Variants in YLPM1 observed in about 807,000 individuals in gnomAD.
The protein encoded by YLPM1 is YLP motif containing 1, also known as YLP motif-containing protein 1.
In YLPM1, 99 loss-of-function variants were observed where a neutral mutation model predicts 230.0. The observed-to-expected ratio is 0.43, with a 90% confidence interval of 0.37 to 0.51. The LOEUF (loss-of-function observed/expected upper bound fraction) is 0.51, where lower values mean the gene tolerates loss of function less well. Ranked by LOEUF, YLPM1 falls within the 20% of genes least tolerant of loss-of-function variation. YLPM1 has a pLI of 0.00. For missense variants in YLPM1, 2,592 were observed against 2,707.7 expected (o/e 0.96, Z 0.95); for synonymous variants, 984 against 942.5 (o/e 1.04, Z -0.81).
At chr14:74,789,719 C>G (rs2140099216) in intron 4 of YLPM1, among the ~76,000 whole-genome samples, 1 of 151,514 alleles carries the variant, frequency 6.6e-6, no homozygotes, top group South Asian at 2.1e-4. Context: ...CTTTGACCTC[C>G]TGGGCTCAAG....
At chr14:74,820,654 A>C (rs2091514055) in intron 16 of YLPM1, among the ~76,000 whole-genome samples, 1 of 151,822 alleles carries the variant, frequency 6.6e-6, no homozygotes. Context: ...CGTTGCTACC[A>C]CTCTGGGCCA....
chr14:74,819,830 A>G (rs144721091), intron 16 of YLPM1, among the ~76,000 whole-genome samples: 193 of 152,122 alleles, frequency 1.3e-3, no homozygotes, highest in African/African-American at 4.6e-3. Context: ...TTTTTTGGCT[A>G]TCTCTTTTCA....
In YLPM1 at chr14:74,835,782, G is replaced by A. The variant is rs1420535034; in HGVS notation, c.*44G>A. ...CTTTTCTTTTCTTTCCAGGTGGTTCGCTTTGAGGTGGTCTGAAGCCAAGGC... is the reference window on the plus strand; with the variant it reads ...CTTTTCTTTTCTTTCCAGGTGGTTCACTTTGAGGTGGTCTGAAGCCAAGGC... On this transcript the variant is annotated 3_prime_UTR_variant, in exon 21 of 21. Coordinates refer to ENST00000325680, the MANE Select transcript of YLPM1 (RefSeq NM_019589.3). The A allele has an allele frequency of 1.1e-5, 5 of 452,084 alleles. No homozygotes were observed. Among genetic ancestry groups the A allele is most frequent in the South Asian group, 6.3e-5 (4 of 63,432 alleles). The allele number at this position is 452,084 out of a possible 1,614,324, so 28.0% of individuals were successfully genotyped here. A position where few individuals can be genotyped will look rare whatever the true frequency, so the allele number is the denominator to read the frequency against.
Position 74,785,751 on chromosome 14 carries a change from A to C in YLPM1, c.2282+3426A>C, listed in dbSNP as rs2091142826. 2.6e-5 allele frequency among the ~76,000 whole-genome samples: 4 copies of C among 152,376 alleles called. 1 individual carries two copies. The highest frequency in any genetic ancestry group is 9.6e-5 in the African/African-American group (4 of 41,594). ...CATGCTGTTACAAATAAAGTACTGT[A>C]AATGGCTTTGAGTTTTTGCAAAATC... On this transcript the variant is annotated intron_variant, in intron 4 of 20. Transcript: ENST00000325680.
Position 74,763,960 on chromosome 14 carries a change from T to TATGCCCCCATCTCAGTCTTAC in YLPM1, c.481_501dup (p.Ser161_Pro167dup). 1 of 1,258,510 alleles carries TATGCCCCCATCTCAGTCTTAC rather than the reference T, an allele frequency of 7.9e-7. No homozygotes were observed. Among genetic ancestry groups the TATGCCCCCATCTCAGTCTTAC allele is most frequent in the Non-Finnish European group, 1.0e-6 (1 of 966,344 alleles). 78.0% of individuals were successfully genotyped at this position (1,258,510 alleles called of 1,614,324 possible). A position where few individuals can be genotyped will look rare whatever the true frequency, so the allele number is the denominator to read the frequency against. ...CTCCCCCTGTGCCGCCTGGGTCCTA[T>TATGCCCCCATCTCAGTCTTAC]ATGCCCCCATCTCAGTCTTACATGC... On this transcript the variant is annotated inframe_insertion, in exon 1 of 21. Transcript: ENST00000325680.
intron 4 of YLPM1, among the ~76,000 whole-genome samples, chr14:74,784,657 A>T (rs1336250656): frequency 6.6e-6 from 1 of 152,242 alleles, no homozygotes; most frequent in Non-Finnish European, 1.5e-5. Context: ...TGTTTTTTAC[A>T]TTGAACCTAA....
At chr14:74,782,738 G>C (rs542481559) in intron 4 of YLPM1, among the ~76,000 whole-genome samples, 6 of 152,164 alleles carry the variant, frequency 3.9e-5, no homozygotes, top group African/African-American at 1.4e-4. Flanking sequence ...TATTCTACTG[G>C]CTTGAGGCAG....
At position 74,763,622 on chromosome 14, in the gene YLPM1, C is replaced by T; in HGVS notation, c.133C>T (p.Pro45Ser). Residue 45 changes from proline to serine, a missense_variant, in exon 1 of 21, where the codon CCC (proline) becomes TCC (serine). Physicochemically the swap from Pro to Ser is moderately conservative, Grantham distance 74. This residue lies in a region of YLPM1 where 1,862 missense variants were observed against 1,819.8 expected (regional missense o/e 1.02). Transcript: ENST00000325680. ...CTCGAGCTCGACGACTCCCGCGGCC[C>T]CCTCCTCCTCGGGCTTCATGAGCTT... ...GYSSSTTPAA[P>S]SSSGFMSFRE... The T allele has an allele frequency of 1.3e-6, 2 of 1,591,972 alleles. No homozygotes were observed. Among genetic ancestry groups the T allele is most frequent in the African/African-American group, 2.7e-5 (2 of 73,042 alleles).
intron 19 of YLPM1, chr14:74,834,972 A>G (rs1428361499): frequency 1.1e-5 from 3 of 274,264 alleles, no homozygotes; most frequent in African/African-American, 2.2e-5. Context: ...CAGGTGAAAA[A>G]AAAATGAGGT....
At chr14:74,827,549 G>A in intron 18 of YLPM1, 1 of 985,426 alleles carries the variant, frequency 1.0e-6, no homozygotes, top group Non-Finnish European at 1.2e-6. Context: ...CAGTGTATGA[G>A]GAAAAGTTCT....
At chr14:74,780,338 C>T (rs1356264358) in intron 2 of YLPM1, 67 bp from the exon 3 acceptor site, 3 of 1,525,896 alleles carry the variant, frequency 2.0e-6, no homozygotes, top group Admixed American at 4.1e-5. Flanking sequence ...CTTTATAATA[C>T]ATTTATAAAA....
intron 10 of YLPM1, among the ~76,000 whole-genome samples, chr14:74,812,038 TATA>T (rs1000741499): frequency 9.2e-5 from 14 of 152,240 alleles, no homozygotes; most frequent in African/African-American, 3.4e-4. Flanking sequence ...GTAATCAAAG[TATA>T]ATAATACAAT....
chr14:74,787,159 C>T (rs1400027971), intron 4 of YLPM1, among the ~76,000 whole-genome samples: 1 of 152,096 alleles, frequency 6.6e-6, no homozygotes, highest in African/African-American at 2.4e-5. Flanking sequence ...TTATGTCTTA[C>T]TGATTTTGTA....
intron 18 of YLPM1, among the ~76,000 whole-genome samples, chr14:74,826,440 A>G (rs144836470): frequency 1.4e-3 from 217 of 152,340 alleles, no homozygotes; most frequent in South Asian, 3.5e-3. Flanking sequence ...TTACTCTTGG[A>G]AAATGATTAT....
chr14:74,826,695 A>G lies in YLPM1; in HGVS notation c.6163+2388A>G, dbSNP rs114241134. On this transcript the variant is annotated intron_variant, in intron 18 of 20. Coordinates refer to ENST00000325680, the MANE Select transcript of YLPM1 (RefSeq NM_019589.3). ...GATGTGATTTTTAGAACAGTTCAGA[A>G]CAGGCCTGAGCTACCTCTGGCATGG... Among the ~76,000 whole-genome samples the G allele has an allele frequency of 4.7e-3, 709 of 152,292 alleles. 4 individuals are homozygous for G. The highest frequency in any genetic ancestry group is 0.016 in the African/African-American group (680 of 41,548).
chr14:74,803,089 A>G (rs1712544476), intron 6 of YLPM1, among the ~76,000 whole-genome samples: 1 of 151,430 alleles, frequency 6.6e-6, no homozygotes, highest in Non-Finnish European at 1.5e-5. Flanking sequence ...TGAGACCCCT[A>G]TCTCTACCAA....
At chr14:74,819,433 C>T (rs2091503956) in intron 16 of YLPM1, among the ~76,000 whole-genome samples, 1 of 151,950 alleles carries the variant, frequency 6.6e-6, no homozygotes, top group South Asian at 2.1e-4. Flanking sequence ...CGCCACCATG[C>T]CTGGCTAATT....
rs1334955305 is a variant in YLPM1 at position 74,799,328 on chromosome 14, A to G, written c.4031A>G (p.Asp1344Gly). The G allele has an allele frequency of 6.2e-7, 1 of 1,613,924 alleles. No individual in the cohort carries two copies. The highest frequency in any genetic ancestry group is 8.5e-7 in the Non-Finnish European group (1 of 1,179,878). ...CCCCTCCCACCTCTTCCACCTTTGGATAGATATCGGGATGATAGATGGAGA... is the reference window on the plus strand; with the variant it reads ...CCCCTCCCACCTCTTCCACCTTTGGGTAGATATCGGGATGATAGATGGAGA... ...LPPLPPLPPL[D>G]RYRDDRWREE... Residue 1344 changes from aspartate to glycine, a missense_variant, in exon 5 of 21, where the codon GAT (aspartate) becomes GGT (glycine). Around this residue, in one of 4 missense-constraint regions of YLPM1, gnomAD observed 1,862 missense variants for 1,819.8 expected, o/e 1.02. Transcript: ENST00000325680.
chr14:74,778,981 C>G (rs552093933), intron 2 of YLPM1, among the ~76,000 whole-genome samples: 1 of 152,096 alleles, frequency 6.6e-6, no homozygotes, highest in Non-Finnish European at 1.5e-5. Context: ...GCTGGGATGA[C>G]AGGCATGCAC....
Sources: gnomAD v4.1 joint callset for allele counts (sites outside exome capture counted in the v4.1 genomes callset) on GRCh38, gnomAD v4.1.1 for gene constraint, gnomAD v4.1.1 regional missense constraint, MANE v1.5 for transcripts, NCBI Gene and HGNC (gene_info 2026-07-23, HGNC 2026-07-21) for gene names.